The following CTNNBIP1 variants were observed in gnomAD, a reference collection of about 807,000 sequenced individuals.
CTNNBIP1 encodes the protein beta-catenin-interacting protein 1.
In CTNNBIP1, 7 loss-of-function variants were observed where a neutral mutation model predicts 11.8. That is an observed-to-expected ratio of 0.60 (90% CI 0.34 to 1.12). The LOEUF (loss-of-function observed/expected upper bound fraction) is 1.12, where lower values mean the gene tolerates loss of function less well. CTNNBIP1 is among the 50% of genes most tolerant of loss of function. CTNNBIP1 has a pLI of 0.03. For missense variants in CTNNBIP1, 101 were observed against 113.4 expected (o/e 0.89, Z 0.50); for synonymous variants, 58 against 43.9 (o/e 1.32, Z -1.26).
intron 1 of CTNNBIP1, among the ~76,000 whole-genome samples, chr1:9,891,933 T>C (rs1639309907): frequency 6.6e-6 from 1 of 151,938 alleles, no homozygotes; most frequent in South Asian, 2.1e-4. Context: ...TCCCGAGTAG[T>C]TGGGACTACA....
chr1:9,885,220 G>A (rs1004962010), intron 1 of CTNNBIP1, among the ~76,000 whole-genome samples: 2 of 152,100 alleles, frequency 1.3e-5, no homozygotes, highest in Non-Finnish European at 2.9e-5. Context: ...CAATGGTGAC[G>A]GCTCCCGGGT....
At chr1:9,876,845 TACACACACACACACAC>T (rs34192085) in intron 3 of CTNNBIP1, among the ~76,000 whole-genome samples, 47 of 138,100 alleles carry the variant, frequency 3.4e-4, no homozygotes, top group Non-Finnish European at 5.0e-4. Context: ...CTGCTATACA[TACACACACACACACAC>T]ACACACACAC....
At chr1:9,901,837 CCGGG>C (rs1460575525) in intron 1 of CTNNBIP1, among the ~76,000 whole-genome samples, 1 of 152,212 alleles carries the variant, frequency 6.6e-6, no homozygotes, top group Non-Finnish European at 1.5e-5. Context: ...CTGATTAGCA[CCGGG>C]AGTGCCACAT....
Position 9,883,355 on chromosome 1 carries a change from A to G in CTNNBIP1, c.-110+350T>C, listed in dbSNP as rs1319636625. On this transcript the variant is annotated intron_variant, in intron 2 of 5. Transcript: ENST00000377263. This position sits in a 1 kb window ranked among gnomAD's most constrained non-coding sequence, Gnocchi z 5.6. ...TGCAGGGCAGAGAGGGAGCAAGAAC[A>G]GTGAGAGCTGCTCCCGAGAGGCAGG... 1.8e-4 allele frequency among the ~76,000 whole-genome samples: 28 copies of G among 152,118 alleles called. No homozygotes were observed. Among genetic ancestry groups the G allele is most frequent in the Admixed American group, 1.8e-3 (28 of 15,282 alleles).
chr1:9,891,284 C>T (rs1170769457), intron 1 of CTNNBIP1, among the ~76,000 whole-genome samples: 1 of 152,146 alleles, frequency 6.6e-6, no homozygotes, highest in Non-Finnish European at 1.5e-5. Flanking sequence ...CTGGGCATGG[C>T]CCGGCCCTCC....
At chr1:9,907,378 C>A (rs1458339124) in intron 1 of CTNNBIP1, among the ~76,000 whole-genome samples, 1 of 152,126 alleles carries the variant, frequency 6.6e-6, no homozygotes, top group Non-Finnish European at 1.5e-5. Context: ...ACCATGTTGC[C>A]CAGGCTGGTC....
rs146729993 is a variant in CTNNBIP1, at chr1:9,882,353, C to A, written c.-110+1352G>T. Among the ~76,000 whole-genome samples the A allele has an allele frequency of 2.2e-3, 329 of 152,328 alleles. 1 individual carries two copies. The highest frequency in any genetic ancestry group is 7.6e-3 in the African/African-American group (317 of 41,578). On this transcript the variant is annotated intron_variant, in intron 2 of 5. Transcript: ENST00000377263. ...CTTCCAATGAGCAGGGGGAGACAGA[C>A]ACCAGTCAAGTCACCCAGATCAATG... is the stretch of plus-strand genomic sequence containing the variant.
chr1:9,890,775 C>A (rs1359812088), intron 1 of CTNNBIP1, among the ~76,000 whole-genome samples: 3 of 152,192 alleles, frequency 2.0e-5, no homozygotes, highest in Non-Finnish European at 2.9e-5. Context: ...ATCAAAAGAT[C>A]CTCTGTGTCA....
At chr1:9,884,167 C>A (rs971595268) in intron 1 of CTNNBIP1, among the ~76,000 whole-genome samples, 1 of 151,894 alleles carries the variant, frequency 6.6e-6, no homozygotes, top group African/African-American at 2.4e-5. Flanking sequence ...TGAGTGGGGG[C>A]GACGGGACTG....
Position 9,849,863 on chromosome 1 carries a change from C to T in CTNNBIP1, c.*855G>A, listed in dbSNP as rs889125631. The T allele has an allele frequency of 6.6e-6, 1 of 152,194 alleles. No homozygotes were observed. The highest frequency in any genetic ancestry group is 6.5e-5 in the Admixed American group (1 of 15,276). 9.4% of individuals were successfully genotyped at this position (152,194 alleles called of 1,614,324 possible). A position where few individuals can be genotyped will look rare whatever the true frequency, so the allele number is the denominator to read the frequency against. ...GGTTACCTCTAGGCCCTGGGCTGCT[C>T]GTTCAAGACGACACAAAGCTCCTCA... On this transcript the variant is annotated 3_prime_UTR_variant, in exon 6 of 6. Transcript: ENST00000377263.
intron 5 of CTNNBIP1, among the ~76,000 whole-genome samples, chr1:9,857,189 A>G (rs1218848206): frequency 2.6e-5 from 4 of 151,300 alleles, no homozygotes; most frequent in African/African-American, 9.7e-5. Context: ...CCCAATTTAA[A>G]AAAATGGGTG....
chr1:9,889,261 C>T (rs1180545990), intron 1 of CTNNBIP1, among the ~76,000 whole-genome samples: 1 of 152,228 alleles, frequency 6.6e-6, no homozygotes, highest in Non-Finnish European at 1.5e-5. Flanking sequence ...ATTCCCTCTA[C>T]AGCCGTGGCT....
intron 1 of CTNNBIP1, among the ~76,000 whole-genome samples, chr1:9,894,905 A>G (rs938356942): frequency 1.7e-4 from 17 of 102,218 alleles, no homozygotes; most frequent in Non-Finnish European, 3.0e-4. Context: ...ATGCCTGGCT[A>G]TTTTTTTTTT....
chr1:9,906,417 A>G (rs1639621623), intron 1 of CTNNBIP1, among the ~76,000 whole-genome samples: 1 of 152,008 alleles, frequency 6.6e-6, no homozygotes, highest in South Asian at 2.1e-4. Flanking sequence ...AATTAGCCAG[A>G]CGTGGTGGCA....
At chr1:9,864,175 C>T (rs572436000) in intron 5 of CTNNBIP1, among the ~76,000 whole-genome samples, 2 of 152,026 alleles carry the variant, frequency 1.3e-5, no homozygotes, top group Non-Finnish European at 2.9e-5. Context: ...CTGGGAGCCC[C>T]GGTGCCAGCA....
At chr1:9,859,186 C>T (rs1360750068) in intron 5 of CTNNBIP1, among the ~76,000 whole-genome samples, 1 of 152,194 alleles carries the variant, frequency 6.6e-6, no homozygotes, top group African/African-American at 2.4e-5. Flanking sequence ...CCAGACACCT[C>T]ACTAGTCCCC....
At chr1:9,880,192 T>C (rs1639054091) in intron 2 of CTNNBIP1, among the ~76,000 whole-genome samples, 1 of 151,874 alleles carries the variant, frequency 6.6e-6, no homozygotes, top group Non-Finnish European at 1.5e-5. Context: ...TGTATTCTTA[T>C]TGTTCAACTC....
intron 1 of CTNNBIP1, among the ~76,000 whole-genome samples, chr1:9,890,064 T>C (rs946440488): frequency 2.2e-4 from 33 of 152,214 alleles, no homozygotes; most frequent in African/African-American, 8.0e-4. Flanking sequence ...TTCCTATAAC[T>C]GGATTGGCAT....
intron 1 of CTNNBIP1, among the ~76,000 whole-genome samples, chr1:9,887,388 T>C (rs1454276730): frequency 6.6e-6 from 1 of 151,990 alleles, no homozygotes; most frequent in East Asian, 1.9e-4. Flanking sequence ...GGCTCAGGAG[T>C]TGACAGACGC....
Sources: gnomAD v4.1 joint callset for allele counts (sites outside exome capture counted in the v4.1 genomes callset) on GRCh38, gnomAD v4.1.1 for gene constraint, Gnocchi (gnomAD v3.1) non-coding constraint, MANE v1.5 for transcripts, NCBI Gene and HGNC (gene_info 2026-07-23, HGNC 2026-07-21) for gene names.